Variants in SYT1 observed in about 807,000 individuals in gnomAD.
SYT1 encodes the protein synaptotagmin-1.
Under a neutral mutation model 44.8 loss-of-function variants are expected in SYT1, and 8 were observed. That is an observed-to-expected ratio of 0.18 (90% confidence interval 0.10 to 0.32). The LOEUF (loss-of-function observed/expected upper bound fraction) is 0.32, where lower values mean the gene tolerates loss of function less well. SYT1 is among the 10% of genes least tolerant of loss of function. The pLI is 1.00. For missense variants in SYT1, 286 were observed against 509.3 expected (o/e 0.56, Z 4.22); for synonymous variants, 154 against 188.8 (o/e 0.82, Z 1.51).
chr12:79,023,780 T>A (rs1224828957), intron 2 of SYT1, among the ~76,000 whole-genome samples: 1 of 150,750 alleles, frequency 6.6e-6, no homozygotes, highest in African/African-American at 2.4e-5. Context: ...TATTATTCCA[T>A]CTCTCTCTCT....
chr12:79,266,834 G>C lies in SYT1; in HGVS notation c.167-18953G>C, dbSNP rs563201472. Reference sequence around the variant, plus strand: ...TGGTCTGTAGCAGCACAAATCCATTGGATAATCAAAGAAAAATGTCCCGTG... The same window carrying C: ...TGGTCTGTAGCAGCACAAATCCATTCGATAATCAAAGAAAAATGTCCCGTG... On this transcript the variant is annotated intron_variant, in intron 4 of 10. Coordinates refer to ENST00000261205, the MANE Select transcript of SYT1 (RefSeq NM_005639.3). Among the ~76,000 whole-genome samples the C allele has an allele frequency of 3.3e-5, 5 of 152,280 alleles. No individual in the cohort carries two copies. The South Asian group carries it at 1.0e-3, about 32-fold the overall frequency.
intron 4 of SYT1, among the ~76,000 whole-genome samples, chr12:79,260,421 G>C (rs961934021): frequency 6.6e-6 from 1 of 152,298 alleles, no homozygotes; most frequent in Non-Finnish European, 1.5e-5. Flanking sequence ...GAAAATTGCT[G>C]TAGTAACAAG....
intron 3 of SYT1, among the ~76,000 whole-genome samples, chr12:79,049,245 T>C (rs1427154594): frequency 6.6e-6 from 1 of 151,902 alleles, no homozygotes; most frequent in Non-Finnish European, 1.5e-5. Flanking sequence ...TGTATTGAAA[T>C]AGGATTTAGC....
intron 3 of SYT1, among the ~76,000 whole-genome samples, chr12:79,109,452 C>T (rs975111628): frequency 3.9e-5 from 6 of 151,918 alleles, no homozygotes; most frequent in South Asian, 2.1e-4. Flanking sequence ...CCAACACCTA[C>T]GCCCAGCTAG....
intron 9 of SYT1, among the ~76,000 whole-genome samples, chr12:79,431,257 TTAAC>T (rs1307067238): frequency 6.6e-6 from 1 of 152,178 alleles, no homozygotes; most frequent in Admixed American, 6.5e-5. Flanking sequence ...TATAAGAAAT[TTAAC>T]TAATACCCCC....
chr12:79,254,786 A>G (rs976893749), intron 4 of SYT1, among the ~76,000 whole-genome samples: 3 of 152,224 alleles, frequency 2.0e-5, no homozygotes, highest in Non-Finnish European at 4.4e-5. Context: ...TGAGAGGTTC[A>G]GAACTTCAGT....
At chr12:78,964,673 A>G (rs1879679143) in intron 1 of SYT1, among the ~76,000 whole-genome samples, 1 of 152,168 alleles carries the variant, frequency 6.6e-6, no homozygotes, top group Non-Finnish European at 1.5e-5. Flanking sequence ...AAAAATCTTA[A>G]AGTAAAAGAA....
At chr12:79,336,743 C>T (rs60482928) in intron 8 of SYT1, among the ~76,000 whole-genome samples, 26 of 152,206 alleles carry the variant, frequency 1.7e-4, no homozygotes, top group African/African-American at 6.3e-4. Context: ...AATCCTTCCA[C>T]CTCGGCCTCT....
intron 9 of SYT1, among the ~76,000 whole-genome samples, chr12:79,362,274 T>A (rs974638419): frequency 2.0e-5 from 3 of 152,166 alleles, no homozygotes; most frequent in Admixed American, 6.6e-5. Context: ...GTGGTAGATG[T>A]GCTTCATTTG....
chr12:79,380,486 A>G (rs941836744), intron 9 of SYT1, among the ~76,000 whole-genome samples: 1 of 152,138 alleles, frequency 6.6e-6, no homozygotes, highest in African/African-American at 2.4e-5. Flanking sequence ...TAGCTCACTG[A>G]AGCCTCGAAA....
At chr12:79,326,502 T>C (rs1403979290) in intron 8 of SYT1, among the ~76,000 whole-genome samples, 1 of 152,178 alleles carries the variant, frequency 6.6e-6, no homozygotes, top group Non-Finnish European at 1.5e-5. Flanking sequence ...TACAGCAAAC[T>C]TAGGGGGTTG....
At position 79,444,260 on chromosome 12, in the gene SYT1, A is replaced by G. The variant is rs1011457745; in HGVS notation, c.1062+54A>G. On this transcript the variant is annotated intron_variant, in intron 10 of 10. Coordinates refer to ENST00000261205, the MANE Select transcript of SYT1 (RefSeq NM_005639.3). ...ACTCAATTTCATTCCTTCAGACCAC[A>G]TAAATTATACACACAGACCTTGTAA... is the stretch of plus-strand genomic sequence containing the variant. 5 of 1,601,034 alleles carry G rather than the reference A, an allele frequency of 3.1e-6. No homozygotes were observed. In the African/African-American group the frequency reaches 6.7e-5, roughly 22 times the overall value.
At chr12:79,262,697 T>C (rs1254720045) in intron 4 of SYT1, among the ~76,000 whole-genome samples, 1 of 152,226 alleles carries the variant, frequency 6.6e-6, no homozygotes, top group Non-Finnish European at 1.5e-5. Flanking sequence ...AACTAGCTCC[T>C]CAACGCTTCT....
intron 8 of SYT1, among the ~76,000 whole-genome samples, chr12:79,318,118 A>G (rs1881185914): frequency 6.6e-6 from 1 of 152,206 alleles, no homozygotes; most frequent in African/African-American, 2.4e-5. Flanking sequence ...TTCCATTTCT[A>G]TATAAAGAGA....
chr12:78,941,394 TACACACACACACACAC>T (rs71441941), intron 1 of SYT1, among the ~76,000 whole-genome samples: 10 of 143,812 alleles, frequency 7.0e-5, no homozygotes, highest in East Asian at 2.1e-4. Context: ...TAATAGAATC[TACACACACACACACAC>T]ACACACACAC....
At chr12:79,232,722 T>C (rs1875940269) in intron 4 of SYT1, among the ~76,000 whole-genome samples, 1 of 152,220 alleles carries the variant, frequency 6.6e-6, no homozygotes, top group Non-Finnish European at 1.5e-5. Context: ...CACACTGTCT[T>C]TTCATCTTTG....
In SYT1 at chr12:79,036,905, A is replaced by G. The variant is rs568708209; in HGVS notation, c.-83-10392A>G. On this transcript the variant is annotated intron_variant, in intron 2 of 10. Transcript: ENST00000261205. ...TCACCTTGGAGAATCAACTTCTCCC[A>G]CTCTCTCATTTCACAGCTAATGAAA... Among the ~76,000 whole-genome samples, 10 of 151,890 alleles carry G rather than the reference A, an allele frequency of 6.6e-5. No homozygotes were observed. The South Asian group carries it at 2.1e-3, about 32-fold the overall frequency.
intron 2 of SYT1, among the ~76,000 whole-genome samples, chr12:79,038,600 C>A (rs1267311588): frequency 6.6e-6 from 1 of 151,990 alleles, no homozygotes; most frequent in East Asian, 1.9e-4. Context: ...GATATCTGTG[C>A]ACATCAACCT....
At chr12:79,149,345 G>A (rs574309844) in intron 3 of SYT1, among the ~76,000 whole-genome samples, 96 of 152,162 alleles carry the variant, frequency 6.3e-4, no homozygotes, top group Non-Finnish European at 1.1e-3. Context: ...CAAATGAAAT[G>A]ACTGAAATAT....
Sources: gnomAD v4.1 joint callset for allele counts (sites outside exome capture counted in the v4.1 genomes callset) on GRCh38, gnomAD v4.1.1 for gene constraint, MANE v1.5 for transcripts, NCBI Gene and HGNC (gene_info 2026-07-23, HGNC 2026-07-21) for gene names.